The following PRTG variants were observed in gnomAD, a reference collection of about 807,000 sequenced individuals.
PRTG encodes the protein immunoglobulin superfamily, DCC subclass, member 5.
PRTG carries 67 observed loss-of-function variants against 122.5 expected under a neutral mutation model. The ratio of observed to expected loss-of-function variants is 0.55; its 90% CI spans 0.45 to 0.67. PRTG has a LOEUF of 0.67. PRTG is among the 30% of genes least tolerant of loss of function. The pLI is 0.00. For synonymous variants in PRTG, 554 were observed against 501.1 expected, an observed-to-expected ratio of 1.11 and a Z score of -1.41; for missense variants, 1,435 against 1,415.4, an observed-to-expected ratio of 1.01 and a Z score of -0.22.
intron 18 of PRTG, among the ~76,000 whole-genome samples, chr15:55,623,070 T>G (rs1184130953): frequency 2.0e-5 from 3 of 152,182 alleles, no homozygotes; most frequent in Non-Finnish European, 2.9e-5. Flanking sequence ...TTCATAAAAT[T>G]TAGTATCAAA....
intron 15 of PRTG, among the ~76,000 whole-genome samples, chr15:55,636,877 C>A (rs2141730010): frequency 6.6e-6 from 1 of 152,258 alleles, no homozygotes; most frequent in South Asian, 2.1e-4. Context: ...GAACTCCGGA[C>A]CTCAGGTAAT....
chr15:55,647,844 C>T (rs2059332565), intron 11 of PRTG, among the ~76,000 whole-genome samples: 1 of 152,190 alleles, frequency 6.6e-6, no homozygotes, highest in Non-Finnish European at 1.5e-5. Flanking sequence ...AATACTGAAG[C>T]TCAGTTTAAC....
intron 2 of PRTG, among the ~76,000 whole-genome samples, chr15:55,713,687 A>G (rs939885188): frequency 2.6e-5 from 4 of 151,796 alleles, no homozygotes; most frequent in African/African-American, 9.7e-5. Context: ...ACTAAGCATA[A>G]TTTCATGTTT....
At chr15:55,651,165 C>T (rs1024797147) in intron 11 of PRTG, among the ~76,000 whole-genome samples, 12 of 152,004 alleles carry the variant, frequency 7.9e-5, no homozygotes, top group African/African-American at 2.7e-4. Flanking sequence ...TAAAAGAGTA[C>T]CTTCCAAAGA....
At chr15:55,651,477 T>G (rs2059352776) in intron 11 of PRTG, among the ~76,000 whole-genome samples, 1 of 152,190 alleles carries the variant, frequency 6.6e-6, no homozygotes, top group Non-Finnish European at 1.5e-5. Flanking sequence ...AGTAGGAAGC[T>G]TCTATACCAT....
Position 55,672,630 on chromosome 15 carries a change from G to A in PRTG, c.1856C>T (p.Pro619Leu), listed in dbSNP as rs201265974. 1.2e-6 allele frequency: 2 copies of A among 1,610,576 alleles called. No homozygotes were observed. Among genetic ancestry groups the A allele is most frequent in the African/African-American group, 2.7e-5 (2 of 74,958 alleles). The stretch of plus-strand genomic sequence containing the variant: ...CTCCAAATGCAACTCTGGAGACTTA[G>A]GGGCTAGCAAAATTCATCAGAAAAT... ...RTPKATSVKAPKSPELHLEPL... is the reference protein window; with the variant it reads ...RTPKATSVKALKSPELHLEPL... Residue 619 changes from proline to leucine, a missense_variant, in exon 11 of 20, where the codon CCT (proline) becomes CTT (leucine). Coordinates refer to ENST00000389286, the MANE Select transcript of PRTG (RefSeq NM_173814.6).
In PRTG at chr15:55,611,738, A is replaced by G. The variant is rs1376638188; in HGVS notation, c.*8274T>C. On this transcript the variant is annotated 3_prime_UTR_variant, in exon 20 of 20. Coordinates refer to ENST00000389286, the MANE Select transcript of PRTG (RefSeq NM_173814.6). ...TATGATACTAGAAAAAAAAAAACAA[A>G]TCTACATTATTAAACAAATATGTTT... is the stretch of plus-strand genomic sequence containing the variant. 6.6e-6 allele frequency: 1 copy of G among 152,086 alleles called. No homozygotes were observed. The highest frequency in any genetic ancestry group is 6.5e-5 in the Admixed American group (1 of 15,274). 9.4% of individuals were successfully genotyped at this position (152,086 alleles called of 1,614,324 possible). A position where few individuals can be genotyped will look rare whatever the true frequency, so the allele number is the denominator to read the frequency against.
At chr15:55,720,460 G>A (rs1467518410) in intron 2 of PRTG, among the ~76,000 whole-genome samples, 1 of 152,128 alleles carries the variant, frequency 6.6e-6, no homozygotes, top group African/African-American at 2.4e-5. Context: ...GGTTCAAAGG[G>A]TATTTTTCAC....
At chr15:55,648,741 A>AAAAAG (rs1188269195) in intron 11 of PRTG, among the ~76,000 whole-genome samples, 1 of 152,226 alleles carries the variant, frequency 6.6e-6, no homozygotes, top group African/African-American at 2.4e-5. Context: ...AAATAGCAGT[A>AAAAAG]AAAAGAAGGG....
intron 2 of PRTG, among the ~76,000 whole-genome samples, chr15:55,697,304 T>C (rs557758775): frequency 1.8e-4 from 28 of 152,310 alleles, no homozygotes; most frequent in African/African-American, 6.5e-4. Context: ...GAACATGTCT[T>C]ACTTGTCTGT....
At chr15:55,704,036 C>T (rs1404899582) in intron 2 of PRTG, among the ~76,000 whole-genome samples, 5 of 152,208 alleles carry the variant, frequency 3.3e-5, no homozygotes, top group Non-Finnish European at 7.3e-5. Context: ...GCCACATTAA[C>T]CAGCTTCAAA....
intron 8 of PRTG, 59 bp from the exon 9 acceptor site, chr15:55,675,742 C>A: frequency 9.4e-7 from 1 of 1,063,808 alleles, no homozygotes; most frequent in Non-Finnish European, 1.4e-6. Flanking sequence ...TTAACAAGAC[C>A]ATTTTCCTGC....
At chr15:55,694,665 G>A (rs1035440204) in intron 2 of PRTG, among the ~76,000 whole-genome samples, 2 of 152,072 alleles carry the variant, frequency 1.3e-5, no homozygotes, top group Admixed American at 6.5e-5. Context: ...TTTAAGTGAG[G>A]CATTAAACTG....
At chr15:55,719,535 T>C (rs904247009) in intron 2 of PRTG, among the ~76,000 whole-genome samples, 4 of 152,200 alleles carry the variant, frequency 2.6e-5, no homozygotes, top group African/African-American at 9.7e-5. Context: ...ATAGCAGTTA[T>C]TGCAGATAAA....
chr15:55,731,340 G>A (rs1018313980), intron 2 of PRTG, among the ~76,000 whole-genome samples: 2 of 151,496 alleles, frequency 1.3e-5, no homozygotes, highest in Non-Finnish European at 2.9e-5. Context: ...TGAAAGCTGA[G>A]GGAGAAGAAA....
At chr15:55,708,451 T>A (rs2030239019) in intron 2 of PRTG, among the ~76,000 whole-genome samples, 1 of 151,460 alleles carries the variant, frequency 6.6e-6, no homozygotes, top group South Asian at 2.1e-4. Context: ...TACTAAAAAA[T>A]ACAAAAATTA....
intron 2 of PRTG, among the ~76,000 whole-genome samples, chr15:55,706,747 T>C (rs564807248): frequency 5.3e-5 from 8 of 151,962 alleles, no homozygotes; most frequent in South Asian, 4.2e-4. Context: ...GCATGGGTGA[T>C]AGAGTGAAAA....
At chr15:55,723,809 T>C (rs1262793736) in intron 2 of PRTG, among the ~76,000 whole-genome samples, 1 of 142,438 alleles carries the variant, frequency 7.0e-6, no homozygotes, top group Non-Finnish European at 1.5e-5. Context: ...TGGAGTGCAA[T>C]GGTGCAATCT....
chr15:55,639,292 A>G (rs953566864), intron 13 of PRTG, among the ~76,000 whole-genome samples: 4 of 152,214 alleles, frequency 2.6e-5, no homozygotes, highest in African/African-American at 9.6e-5. Flanking sequence ...ACCTAGAAAC[A>G]GAAAGACAAC....
Sources: allele counts gnomAD v4.1 joint callset (sites outside exome capture counted in the v4.1 genomes callset), GRCh38; gene constraint gnomAD v4.1.1; transcripts MANE v1.5; gene names NCBI Gene and HGNC (gene_info 2026-07-23, HGNC 2026-07-21).